Variants in TACR3 observed in about 807,000 individuals in gnomAD.
The protein encoded by TACR3 is neuromedin-K receptor.
TACR3 carries 34 observed loss-of-function variants against 35.0 expected under a neutral mutation model. The ratio of observed to expected loss-of-function variants is 0.97; its 90% CI spans 0.74 to 1.30. TACR3 has a LOEUF of 1.30. Ranked by LOEUF, TACR3 falls within the 50% of genes most tolerant of loss-of-function variation. The pLI, the probability that TACR3 is intolerant of heterozygous loss-of-function variation, is 0.00. For missense variants in TACR3, 558 were observed against 591.7 expected (o/e 0.94, Z 0.59); for synonymous variants, 233 against 221.1 (o/e 1.05, Z -0.48).
At chr4:103,605,051 A>G (rs570604927) in intron 3 of TACR3, among the ~76,000 whole-genome samples, 64 of 146,404 alleles carry the variant, frequency 4.4e-4, no homozygotes, top group African/African-American at 1.5e-3. Context: ...TCATTGTTCA[A>G]TTCCCACCTA....
chr4:103,680,269 C>T (rs1184216009), intron 1 of TACR3, among the ~76,000 whole-genome samples: 1 of 151,430 alleles, frequency 6.6e-6, no homozygotes, highest in South Asian at 2.1e-4. Flanking sequence ...AAGCAGCAGT[C>T]ACACCTACAG....
At chr4:103,633,339 A>G (rs1725108981) in intron 3 of TACR3, among the ~76,000 whole-genome samples, 1 of 152,124 alleles carries the variant, frequency 6.6e-6, no homozygotes, top group African/African-American at 2.4e-5. Flanking sequence ...TGTAATCCTA[A>G]GGGCTAAATG....
chr4:103,603,272 C>T (rs551106130), intron 3 of TACR3, among the ~76,000 whole-genome samples: 13 of 152,292 alleles, frequency 8.5e-5, no homozygotes, highest in South Asian at 8.3e-4. Flanking sequence ...GGGAGTGACC[C>T]GATTTTCCAG....
intron 3 of TACR3, among the ~76,000 whole-genome samples, chr4:103,638,202 A>G (rs1357186553): frequency 6.6e-6 from 1 of 151,830 alleles, no homozygotes; most frequent in Non-Finnish European, 1.5e-5. Flanking sequence ...CTACAAGGCT[A>G]CAGTAACCAA....
rs201728277 is a variant in TACR3, at chr4:103,589,779, G to A, written c.1301C>T (p.Pro434Leu). 4 of 1,613,862 alleles carry A rather than the reference G, an allele frequency of 2.5e-6. No individual in the cohort carries two copies. In the African/African-American group the frequency reaches 5.3e-5, roughly 22 times the overall value. ...SRKKRATPRD[P>L]SFNGCSRRNS... ...CCTGCGAGAGCAGCCATTGAAACTTGGGTCTCTTGGCGTTGCTCTTTTCTT... is the reference window on the plus strand; with the variant it reads ...CCTGCGAGAGCAGCCATTGAAACTTAGGTCTCTTGGCGTTGCTCTTTTCTT... Residue 434 changes from proline (P) to leucine (L), a missense_variant, in exon 5 of 5, where the codon CCA becomes CTA. Pro to Leu is a moderately conservative substitution (Grantham distance 98). Transcript: ENST00000304883.
Position 103,641,140 on chromosome 4 carries a change from C to T in TACR3, c.888+15054G>A, listed in dbSNP as rs371972669. Among the ~76,000 whole-genome samples the T allele has an allele frequency of 4.6e-5, 7 of 152,012 alleles. No individual in the cohort carries two copies. The East Asian group carries it at 1.4e-3, about 29-fold the overall frequency. ...CATGTGTATACCCAAGGTCCCTCAA[C>T]ACGATTTATTGCACATACTGTTCTT... is the stretch of plus-strand genomic sequence containing the variant. On this transcript the variant is annotated intron_variant, in intron 3 of 4. Transcript: ENST00000304883.
At chr4:103,632,329 A>G (rs1169981667) in intron 3 of TACR3, among the ~76,000 whole-genome samples, 2 of 152,154 alleles carry the variant, frequency 1.3e-5, no homozygotes, top group African/African-American at 4.8e-5. Context: ...TGTGGTACCT[A>G]TACCTCCTGG....
At chr4:103,614,666 G>C (rs926120699) in intron 3 of TACR3, among the ~76,000 whole-genome samples, 4 of 152,066 alleles carry the variant, frequency 2.6e-5, no homozygotes, top group African/African-American at 4.8e-5. Flanking sequence ...GGACACAATA[G>C]TCTTATTAGT....
intron 1 of TACR3, among the ~76,000 whole-genome samples, chr4:103,705,859 A>C (rs1270493783): frequency 6.6e-6 from 1 of 152,186 alleles, no homozygotes; most frequent in East Asian, 1.9e-4. Context: ...TATCTAATGA[A>C]ATTTTACTGG....
chr4:103,671,800 G>T (rs10015484), intron 1 of TACR3, among the ~76,000 whole-genome samples: 7,811 of 151,896 alleles, frequency 0.051, 700 homozygotes, highest in African/African-American at 0.18. Context: ...TCCTGCTTTT[G>T]CTGTATCCCA....
chr4:103,707,332 T>G (rs1722818041), intron 1 of TACR3, among the ~76,000 whole-genome samples: 1 of 152,180 alleles, frequency 6.6e-6, no homozygotes, highest in South Asian at 2.1e-4. Context: ...TTATAAGAAA[T>G]TAAGACTGTT....
intron 1 of TACR3, among the ~76,000 whole-genome samples, chr4:103,660,479 A>G (rs191162660): frequency 1.3e-5 from 2 of 152,172 alleles, no homozygotes; most frequent in Admixed American, 1.3e-4. Flanking sequence ...GCAATAAATT[A>G]TCATGAACTT....
intron 1 of TACR3, among the ~76,000 whole-genome samples, chr4:103,681,703 A>G (rs572173913): frequency 2.6e-5 from 4 of 151,940 alleles, no homozygotes; most frequent in African/African-American, 9.6e-5. Flanking sequence ...TTATAAAATT[A>G]GTAGATAGAA....
rs114102995 is a variant in TACR3 at position 103,714,039 on chromosome 4, G to A, written c.548+5089C>T. Among the ~76,000 whole-genome samples the A allele has an allele frequency of 2.8e-3, 430 of 152,204 alleles. 3 individuals are homozygous for A. The highest frequency in any genetic ancestry group is 9.8e-3 in the African/African-American group (409 of 41,544). On this transcript the variant is annotated intron_variant, in intron 1 of 4. Transcript: ENST00000304883. ...GCTTTAAGAGCAAATAGCACATAAG[G>A]AAATGAAAATATGGGATATAAGCAA...
chr4:103,649,490 G>A (rs1725534817), intron 3 of TACR3, among the ~76,000 whole-genome samples: 1 of 151,356 alleles, frequency 6.6e-6, no homozygotes, highest in Non-Finnish European at 1.5e-5. Flanking sequence ...CTTTGAGGCT[G>A]TTTTCTAGAT....
chr4:103,589,945 C>A lies in TACR3; in HGVS notation c.1135G>T (p.Val379Phe). 6.2e-7 allele frequency: 1 copy of A among 1,613,918 alleles called. No individual in the cohort carries two copies. The highest frequency in any genetic ancestry group is 8.5e-7 in the Non-Finnish European group (1 of 1,179,888). Residue 379 changes from valine (V) to phenylalanine (F), a missense_variant, in exon 5 of 5, where the codon GTT becomes TTT. Coordinates refer to ENST00000304883, the MANE Select transcript of TACR3 (RefSeq NM_001059.3). ...AGCTCTAGCTCATCATAGCTGGAAACTTTGATGAAAGGACACCAGCGAAAT... is the reference window on the plus strand; with the variant it reads ...AGCTCTAGCTCATCATAGCTGGAAAATTTGATGAAAGGACACCAGCGAAAT... ...RAFRWCPFIK[V>F]SSYDELELKT... is the part of the protein sequence containing the mutation.
chr4:103,686,784 C>T (rs373206926), intron 1 of TACR3, among the ~76,000 whole-genome samples: 2 of 152,056 alleles, frequency 1.3e-5, no homozygotes, highest in African/African-American at 4.8e-5. Context: ...TTTTTAGGAC[C>T]AGATGGATTC....
chr4:103,591,453 A>T lies in TACR3; in HGVS notation c.1085+34T>A, dbSNP rs547687640. 2.7e-5 allele frequency: 43 copies of T among 1,611,148 alleles called. No homozygotes were observed. The East Asian group carries it at 4.0e-4, about 15-fold the overall frequency. ...TATGTTTCCAGTGAAGGTGGGTGTG[A>T]CAAGCAACTTGCATTTCGTAGTTTT... On this transcript the variant is annotated intron_variant, in intron 4 of 4. Coordinates refer to ENST00000304883, the MANE Select transcript of TACR3 (RefSeq NM_001059.3).
At chr4:103,696,076 A>G (rs989135397) in intron 1 of TACR3, among the ~76,000 whole-genome samples, 1 of 152,122 alleles carries the variant, frequency 6.6e-6, no homozygotes, top group African/African-American at 2.4e-5. Flanking sequence ...TGTTTGGTAA[A>G]TAGAATGATC....
Sources: gnomAD v4.1 joint callset for allele counts (sites outside exome capture counted in the v4.1 genomes callset) on GRCh38, gnomAD v4.1.1 for gene constraint, MANE v1.5 for transcripts, NCBI Gene and HGNC (gene_info 2026-07-23, HGNC 2026-07-21) for gene names.